Variants in AMY2B observed in about 807,000 individuals in gnomAD.
AMY2B encodes alpha-amylase 2B.
In AMY2B, 63 loss-of-function variants were observed where a neutral mutation model predicts 59.3. That is an observed-to-expected ratio of 1.06 (90% CI 0.87 to 1.31). AMY2B has a LOEUF of 1.31. AMY2B is among the 50% of genes most tolerant of loss of function. AMY2B has a pLI of 0.00. For missense variants in AMY2B, 635 were observed against 626.7 expected, an observed-to-expected ratio of 1.01 and a Z score of -0.14; for synonymous variants, 180 against 198.1, an observed-to-expected ratio of 0.91 and a Z score of 0.77.
intron 5 of AMY2B, 122 bp from the exon 6 acceptor site, chr1:103,575,101 T>G: frequency 7.3e-7 from 1 of 1,372,768 alleles, no homozygotes; most frequent in Non-Finnish European, 1.0e-6. Context: ...AGAATAACCA[T>G]TTAATTAGAG....
Position 103,575,241 on chromosome 1 carries a change from G to T in AMY2B, c.897G>T (p.Trp299Cys), listed in dbSNP as rs748614240. The change falls in exon 6 of 10, where the codon TGG becomes TGT. Residue 299 changes from tryptophan to cysteine, a missense_variant. Coordinates refer to ENST00000684275, the MANE Select transcript of AMY2B (RefSeq NM_001387437.1). Reference protein sequence around the residue: ...MSYLKNWGEGWGFMPSDRALV... With the variant: ...MSYLKNWGEGCGFMPSDRALV... ...AAAATAGGAACTGGGGAGAAGGTTG[G>T]GGTTTCATGCCTTCTGACAGAGCAC... 17 of 1,613,428 alleles carry T rather than the reference G, an allele frequency of 1.1e-5. No homozygotes were observed. The highest frequency in any genetic ancestry group is 1.4e-5 in the Non-Finnish European group (16 of 1,179,646).
Position 103,573,726 on chromosome 1 carries a change from G to A in AMY2B, c.532G>A (p.Val178Ile), listed in dbSNP as rs762651617. 11 of 1,613,508 alleles carry A rather than the reference G, an allele frequency of 6.8e-6. No individual in the cohort carries two copies. The highest frequency in any genetic ancestry group is 5.3e-5 in the African/African-American group (4 of 74,894). ...DATQVRDCRL[V>I]GLLDLALEKD... ...TCAACAGGTCAGAGATTGTCGTCTG[G>A]TTGGTCTTCTTGATCTTGCACTGGA... The change falls in exon 4 of 10, where the codon GTT becomes ATT. Residue 178 changes from valine to isoleucine, a missense_variant. By Grantham distance (29) the Val-to-Ile change is conservative (BLOSUM62 3). Coordinates refer to ENST00000684275, the MANE Select transcript of AMY2B (RefSeq NM_001387437.1).
chr1:103,578,212 G>C (rs1652439824), intron 9 of AMY2B, among the ~76,000 whole-genome samples: 1 of 152,018 alleles, frequency 6.6e-6, no homozygotes, highest in Admixed American at 6.6e-5. Flanking sequence ...TTTAATCATG[G>C]AAAAATGCTG....
chr1:103,575,668 C>A (rs543775364), intron 7 of AMY2B, 128 bp downstream of exon 7: 1 of 1,358,128 alleles, frequency 7.4e-7, no homozygotes, highest in Non-Finnish European at 1.0e-6. Flanking sequence ...TATAGGGCTG[C>A]GATTTTAGTA....
At position 103,571,634 on chromosome 1, in the gene AMY2B, G is replaced by A. The variant is rs1652134207; in HGVS notation, c.32G>A (p.Gly11Glu). 1 of 1,611,636 alleles carries A rather than the reference G, an allele frequency of 6.2e-7. No homozygotes were observed. The highest frequency in any genetic ancestry group is 1.1e-5 in the South Asian group (1 of 90,964). MKFFLLLFTI[G>E]FCWAQYSPNT... ...TTCTTTCTGTTGCTTTTCACCATTGGGTTCTGCTGGGCTCAGTATTCCCCA... is the reference window on the plus strand; with the variant it reads ...TTCTTTCTGTTGCTTTTCACCATTGAGTTCTGCTGGGCTCAGTATTCCCCA... Residue 11 changes from glycine (G) to glutamate (E), a missense_variant, in exon 1 of 10, where the codon GGG (glycine) becomes GAG (glutamate). Gly to Glu is a moderately conservative substitution (Grantham distance 98). Transcript: ENST00000684275.
rs758444697 is a variant in AMY2B, at chr1:103,575,421, T to C, written c.1002-20T>C. The C allele has an allele frequency of 2.5e-6, 4 of 1,613,338 alleles. No homozygotes were observed. The highest frequency in any genetic ancestry group is 3.4e-6 in the Non-Finnish European group (4 of 1,179,612). ...ATGATATTCTGATATTCTGTGATAA[T>C]ATAATTATGTAACTTTCAGGCTGTA... is the stretch of plus-strand genomic sequence containing the variant. On this transcript the variant is annotated intron_variant, in intron 6 of 9. Transcript: ENST00000684275.
upstream of AMY2B, chr1:103,570,480 A>G: frequency 1.5e-6 from 1 of 671,772 alleles, no homozygotes. Context: ...CATCACCGAC[A>G]GGATGCAGAA....
upstream of AMY2B, among the ~76,000 whole-genome samples, chr1:103,566,787 C>A (rs554140699): frequency 8.5e-5 from 13 of 152,250 alleles, no homozygotes; most frequent in East Asian, 2.3e-3. Context: ...AACATGTGTA[C>A]AACACTTTTG....
intron 5 of AMY2B, 99 bp from the exon 6 acceptor site, chr1:103,575,124 C>T: frequency 6.5e-7 from 1 of 1,541,134 alleles, no homozygotes; most frequent in Non-Finnish European, 8.8e-7. Flanking sequence ...AGAATTTAAT[C>T]TTCAGATGCC....
rs1001919996 is a variant in AMY2B at position 103,577,508 on chromosome 1, G to C, written c.1120G>C (p.Gly374Arg). 6.2e-7 allele frequency: 1 copy of C among 1,611,798 alleles called. No homozygotes were observed. Among genetic ancestry groups the C allele is most frequent in the Non-Finnish European group, 8.5e-7 (1 of 1,179,756 alleles). ...QNGNDVNDWV[G>R]PPNNNGVIKE... ...AATTAAGGATGTTAATGATTGGGTTGGGCCACCAAATAATAATGGAGTAAT... is the reference window on the plus strand; with the variant it reads ...AATTAAGGATGTTAATGATTGGGTTCGGCCACCAAATAATAATGGAGTAAT... The change falls in exon 8 of 10, where the codon GGG (glycine) becomes CGG (arginine). Residue 374 changes from glycine (G) to arginine (R), a missense_variant. Gly to Arg is a moderately radical substitution (Grantham distance 125, BLOSUM62 -2). Transcript: ENST00000684275.
Position 103,579,392 on chromosome 1 carries a change from T to C in AMY2B, c.1428T>C (p.Asn476=), listed in dbSNP as rs1290499202. 8.1e-6 allele frequency: 13 copies of C among 1,611,790 alleles called. No individual in the cohort carries two copies. The highest frequency in any genetic ancestry group is 1.3e-5 in the African/African-American group (1 of 74,974). Residue 476 remains asparagine (N), a synonymous_variant, in exon 10 of 10, where the codon AAT becomes AAC. Coordinates refer to ENST00000684275, the MANE Select transcript of AMY2B (RefSeq NM_001387437.1). ...TTTCTGGAGATAAAATTAATGGCAATTGCACAGGCATTAAAATCTACGTTT... is the reference window on the plus strand; with the variant it reads ...TTTCTGGAGATAAAATTAATGGCAACTGCACAGGCATTAAAATCTACGTTT... The part of the protein sequence containing the change: ...DVISGDKING[N]CTGIKIYVSD...
chr1:103,576,148 G>T (rs1454866402), intron 7 of AMY2B, among the ~76,000 whole-genome samples: 1 of 152,176 alleles, frequency 6.6e-6, no homozygotes, highest in Non-Finnish European at 1.5e-5. Flanking sequence ...AAGGAACAGA[G>T]AAATAAGAGT....
At chr1:103,578,856 G>T (rs1207335765) in intron 9 of AMY2B, among the ~76,000 whole-genome samples, 1 of 134,536 alleles carries the variant, frequency 7.4e-6, no homozygotes, top group Non-Finnish European at 1.6e-5. Flanking sequence ...AAATTTTAGG[G>T]TACGGGGAGG....
intron 9 of AMY2B, 142 bp from the exon 10 acceptor site, chr1:103,579,169 A>T: frequency 6.6e-7 from 1 of 1,526,658 alleles, no homozygotes; most frequent in Non-Finnish European, 8.8e-7. Flanking sequence ...ATTTACAACT[A>T]CTAGGGAGGC....
At chr1:103,578,297 C>G (rs1652443147) in intron 9 of AMY2B, among the ~76,000 whole-genome samples, 1 of 152,068 alleles carries the variant, frequency 6.6e-6, no homozygotes, top group African/African-American at 2.4e-5. Flanking sequence ...GGTATACTTT[C>G]TTCACTTCTC....
intron 1 of AMY2B, among the ~76,000 whole-genome samples, chr1:103,562,843 T>G (rs189701431): frequency 6.6e-6 from 1 of 152,158 alleles, no homozygotes; most frequent in East Asian, 1.9e-4. Flanking sequence ...AGTTGCTACT[T>G]TCTGCTTAAC....
At chr1:103,557,149 C>T (rs542365280) in intron 1 of AMY2B, among the ~76,000 whole-genome samples, 11 of 149,810 alleles carry the variant, frequency 7.3e-5, no homozygotes, top group East Asian at 3.9e-4. Context: ...CGTGCGCGCG[C>T]GCACACACAC....
At chr1:103,569,269 G>A (rs966299079), upstream of AMY2B, 1 of 151,918 alleles carries the variant, frequency 6.6e-6, no homozygotes, top group Non-Finnish European at 1.5e-5. Context: ...CACACACACA[G>A]AGTCTATATA....
chr1:103,567,614 A>G (rs1651952976), upstream of AMY2B, among the ~76,000 whole-genome samples: 1 of 151,996 alleles, frequency 6.6e-6, no homozygotes, highest in Non-Finnish European at 1.5e-5. Flanking sequence ...TCTAACATCT[A>G]CCCCTTTCCA....
Sources: allele counts gnomAD v4.1 joint callset (sites outside exome capture counted in the v4.1 genomes callset), GRCh38; gene constraint gnomAD v4.1.1; transcripts MANE v1.5; gene names NCBI Gene and HGNC (gene_info 2026-07-23, HGNC 2026-07-21).